Variants in MAP3K7 observed in about 807,000 individuals in gnomAD.
MAP3K7 encodes the protein TGF-beta activated kinase 1.
MAP3K7 carries 21 observed loss-of-function variants against 84.8 expected under a neutral mutation model. The observed-to-expected ratio is 0.25, with a 90% CI of 0.18 to 0.36. The LOEUF (loss-of-function observed/expected upper bound fraction) is 0.36, where lower values mean the gene tolerates loss of function less well. Ranked by LOEUF, MAP3K7 falls within the 10% of genes least tolerant of loss-of-function variation. MAP3K7 has a pLI of 1.00. For synonymous variants in MAP3K7, 241 were observed against 247.7 expected, an observed-to-expected ratio of 0.97 and a Z score of 0.25; for missense variants, 503 against 747.7, an observed-to-expected ratio of 0.67 and a Z score of 3.82.
At chr6:90,542,287 G>A (rs915819621) in intron 12 of MAP3K7, 1 of 983,560 alleles carries the variant, frequency 1.0e-6, no homozygotes, top group African/African-American at 1.7e-5. Context: ...ATGTCCACTA[G>A]TGTCAATTCT....
chr6:90,573,600 T>C (rs1305188414), intron 1 of MAP3K7, among the ~76,000 whole-genome samples: 1 of 152,216 alleles, frequency 6.6e-6, no homozygotes, highest in Non-Finnish European at 1.5e-5. Context: ...TACTATTCTA[T>C]GTGCTTCTCA....
intron 13 of MAP3K7, among the ~76,000 whole-genome samples, chr6:90,526,909 T>A (rs1345578643): frequency 1.3e-5 from 2 of 151,930 alleles, no homozygotes; most frequent in Non-Finnish European, 2.9e-5. Flanking sequence ...AATCAATATG[T>A]AAGGACAGTG....
In MAP3K7 at chr6:90,550,517, A is replaced by G. The variant is rs1378340954; in HGVS notation, c.900T>C (p.Tyr300=). ...YFPGADEPLQ[Y]PCQYSDEGQS... The stretch of plus-strand genomic sequence containing the variant: ...GTCCTTCATCTGAATACTGACAAGG[A>G]TACTGTAATGGCTCATCTGCTCCTG... Residue 300 remains tyrosine, a synonymous_variant, in exon 9 of 17, where the codon TAT becomes TAC. Coordinates refer to ENST00000369329, the MANE Select transcript of MAP3K7 (RefSeq NM_145331.3). 1 of 1,611,676 alleles carries G rather than the reference A, an allele frequency of 6.2e-7. No homozygotes were observed. The highest frequency in any genetic ancestry group is 8.5e-7 in the Non-Finnish European group (1 of 1,178,348).
chr6:90,514,066 A>G lies in MAP3K7; in HGVS notation c.*2435T>C, dbSNP rs1774883221. The G allele has an allele frequency of 6.9e-5, 1 of 14,436 alleles. No individual in the cohort carries two copies. The highest frequency in any genetic ancestry group is 4.8e-4 in the Admixed American group (1 of 2,068). The allele number at this position is 14,436 out of a possible 1,614,324, so 0.9% of individuals were successfully genotyped here. A position where few individuals can be genotyped will look rare whatever the true frequency, so the allele number is the denominator to read the frequency against. ...TTCCTGGAGTCAAGAGTAAAATGTAATTAATGTAATTAGGGCTTACTCAGT... is the reference window on the plus strand; with the variant it reads ...TTCCTGGAGTCAAGAGTAAAATGTAGTTAATGTAATTAGGGCTTACTCAGT... On this transcript the variant is annotated 3_prime_UTR_variant, in exon 17 of 17. Transcript: ENST00000369329.
intron 14 of MAP3K7, among the ~76,000 whole-genome samples, 171 bp from the exon 15 acceptor site, chr6:90,519,490 A>G (rs1171819984): frequency 6.6e-6 from 1 of 152,030 alleles, no homozygotes; most frequent in Non-Finnish European, 1.5e-5. Context: ...GGTTAAAAAA[A>G]GGATATTCAA....
intron 1 of MAP3K7, among the ~76,000 whole-genome samples, chr6:90,573,253 G>A (rs146445329): frequency 6.6e-6 from 1 of 152,216 alleles, no homozygotes; most frequent in East Asian, 1.9e-4. Flanking sequence ...GCCCCATGTC[G>A]GGAAGTAGAA....
chr6:90,575,680 C>T (rs1253384426), intron 1 of MAP3K7, among the ~76,000 whole-genome samples: 1 of 152,046 alleles, frequency 6.6e-6, no homozygotes, highest in Non-Finnish European at 1.5e-5. Flanking sequence ...TGGTAGCTAG[C>T]TCAAATACTT....
intron 14 of MAP3K7, among the ~76,000 whole-genome samples, chr6:90,521,275 TGTGTG>T (rs1775142771): frequency 6.6e-6 from 1 of 151,936 alleles, no homozygotes; most frequent in Non-Finnish European, 1.5e-5. Flanking sequence ...TGTGTGTGTG[TGTGTG>T]TGTGTGTTTC....
At chr6:90,519,044 G>A (rs531250648) in intron 15 of MAP3K7, among the ~76,000 whole-genome samples, 10 of 151,984 alleles carry the variant, frequency 6.6e-5, no homozygotes, top group Middle Eastern at 3.4e-3. Flanking sequence ...AGGATTTTAA[G>A]ATGACTGAAA....
chr6:90,553,725 T>C, intron 6 of MAP3K7, 139 bp from the exon 7 acceptor site: 2 of 610,514 alleles, frequency 3.3e-6, no homozygotes, highest in South Asian at 2.6e-5. Flanking sequence ...CTACTCTTTC[T>C]GAAGTACTTT....
intron 6 of MAP3K7, among the ~76,000 whole-genome samples, chr6:90,555,348 C>G (rs35457333): frequency 1.3e-5 from 2 of 152,024 alleles, no homozygotes; most frequent in Non-Finnish European, 2.9e-5. Flanking sequence ...CTCCGCCTCC[C>G]GGGTTCACAC....
chr6:90,556,313 T>C (rs186595867), intron 6 of MAP3K7, among the ~76,000 whole-genome samples, 187 bp downstream of exon 6: 28 of 152,354 alleles, frequency 1.8e-4, no homozygotes, highest in South Asian at 6.2e-4. Context: ...CTTAGAAGCA[T>C]AGAAGATTTA....
chr6:90,559,245 A>G (rs1362333913), intron 5 of MAP3K7, among the ~76,000 whole-genome samples: 4 of 152,130 alleles, frequency 2.6e-5, no homozygotes, highest in African/African-American at 9.7e-5. Context: ...ATCAGATTAG[A>G]CCTGAGAGTG....
At chr6:90,542,579 A>G in intron 12 of MAP3K7, 4 of 758,138 alleles carry the variant, frequency 5.3e-6, no homozygotes, top group Non-Finnish European at 6.4e-6. Context: ...CTTAAACAAA[A>G]GAACAAAAAA....
chr6:90,541,079 T>A (rs1382716588), intron 12 of MAP3K7, among the ~76,000 whole-genome samples: 1 of 151,904 alleles, frequency 6.6e-6, no homozygotes, highest in South Asian at 2.1e-4. Context: ...TGATCTGTGT[T>A]CTTACTGCCC....
intron 16 of MAP3K7, among the ~76,000 whole-genome samples, chr6:90,517,603 T>TA (rs1481374681): frequency 2.0e-5 from 3 of 151,846 alleles, no homozygotes; most frequent in African/African-American, 7.2e-5. Context: ...GTTTGATAAT[T>TA]ACTTCTACGA....
At chr6:90,563,719 G>A (rs1364337905) in intron 3 of MAP3K7, among the ~76,000 whole-genome samples, 10 of 152,176 alleles carry the variant, frequency 6.6e-5, no homozygotes, top group Admixed American at 3.3e-4. Flanking sequence ...TACAGAGAAC[G>A]CCACAAAGAT....
intron 14 of MAP3K7, among the ~76,000 whole-genome samples, chr6:90,522,529 T>A (rs9353737): frequency 0.027 from 4,111 of 152,180 alleles, 68 homozygotes; most frequent in Middle Eastern, 0.044. Flanking sequence ...TGTCTACCAC[T>A]GGGGAGGAGC....
At chr6:90,572,371 A>G (rs1776934132) in intron 1 of MAP3K7, among the ~76,000 whole-genome samples, 1 of 152,054 alleles carries the variant, frequency 6.6e-6, no homozygotes, top group Non-Finnish European at 1.5e-5. Context: ...CTATTGATAT[A>G]TGTTACTTAC....
Sources: allele counts gnomAD v4.1 joint callset (sites outside exome capture counted in the v4.1 genomes callset), GRCh38; gene constraint gnomAD v4.1.1; transcripts MANE v1.5; gene names NCBI Gene and HGNC (gene_info 2026-07-23, HGNC 2026-07-21).